The following ADGRG4 variants were observed in gnomAD, a reference collection of about 807,000 sequenced individuals.
ADGRG4 encodes the protein G protein-coupled receptor 112.
A neutral mutation model predicts 126.2 loss-of-function variants in ADGRG4; 122 were observed. The observed-to-expected ratio is 0.97, with a 90% CI of 0.83 to 1.12. ADGRG4 has a LOEUF of 1.12. ADGRG4 is among the 50% of genes most tolerant of loss of function. The pLI is 0.00. For missense variants in ADGRG4, 2,481 were observed against 2,251.8 expected, an observed-to-expected ratio of 1.10 and a Z score of -2.06; for synonymous variants, 943 against 838.7, an observed-to-expected ratio of 1.12 and a Z score of -2.15.
intron 4 of ADGRG4, among the ~76,000 whole-genome samples, chrX:136,321,664 A>T (rs774875395): frequency 5.6e-4 from 63 of 111,729 alleles, no homozygotes; most frequent in Non-Finnish European, 1.1e-3. Context: ...ATATTTACCT[A>T]GTAGACTGGG....
chrX:136,345,895 A>G lies in ADGRG4; in HGVS notation c.2189A>G (p.Lys730Arg), dbSNP rs2075013067. Residue 730 changes from lysine to arginine, a missense_variant, in exon 6 of 26, where the codon AAA becomes AGA. By Grantham distance (26) the Lys-to-Arg change is conservative (BLOSUM62 2). Transcript: ENST00000394143. Reference protein sequence around the residue: ...TTARYTTAVSKLTSPWFANFS... With the variant: ...TTARYTTAVSRLTSPWFANFS... ...GCCAGATATACAACAGCTGTATCCA[A>G]ATTGACATCACCATGGTTTGCTAAT... 2 of 1,209,669 alleles carry G rather than the reference A, an allele frequency of 1.7e-6. No homozygotes were observed. Among genetic ancestry groups the G allele is most frequent in the East Asian group, 5.9e-5 (2 of 33,818 alleles).
intron 16 of ADGRG4, among the ~76,000 whole-genome samples, chrX:136,390,948 C>T (rs985634943): frequency 1.8e-5 from 2 of 110,411 alleles, no homozygotes; most frequent in Admixed American, 9.7e-5. Flanking sequence ...CTAGGGTTAG[C>T]CCTTAGCCTT....
At chrX:136,406,065 A>G (rs1419156529) in intron 23 of ADGRG4, 93 bp downstream of exon 23, 2 of 904,211 alleles carry the variant, frequency 2.2e-6, no homozygotes, top group Admixed American at 3.2e-5. Context: ...GGAAACATTA[A>G]CTAGATGTTA....
At chrX:136,313,900 T>C (rs912602660) in intron 4 of ADGRG4, among the ~76,000 whole-genome samples, 4 of 110,794 alleles carry the variant, frequency 3.6e-5, no homozygotes, top group African/African-American at 1.3e-4. Context: ...GCCCTGTATT[T>C]CCACTGCCAG....
chrX:136,372,033 A>T (rs745473232), intron 14 of ADGRG4, among the ~76,000 whole-genome samples: 35 of 111,715 alleles, frequency 3.1e-4, no homozygotes, highest in African/African-American at 1.1e-3. Context: ...CTTTACTAGA[A>T]TGTTCATTGT....
chrX:136,353,402 G>A lies in ADGRG4; in HGVS notation c.6887+1G>A. On this transcript the variant is annotated splice_donor_variant, in intron 8 of 25. Transcript: ENST00000394143. LOFTEE classifies it high-confidence loss of function. The stretch of plus-strand genomic sequence containing the variant: ...CTCTGGAAACCCAAATTAAAAGCAG[G>A]TATGTGAATGACATTTACTGTGGGT... The A allele has an allele frequency of 2.6e-6, 3 of 1,169,053 alleles. No homozygotes were observed. Among genetic ancestry groups the A allele is most frequent in the Non-Finnish European group, 3.5e-6 (3 of 857,252 alleles).
At position 136,397,947 on chromosome X, in the gene ADGRG4, T is replaced by A. The variant is rs1041529775; in HGVS notation, c.8251T>A (p.Cys2751Ser). Reference protein sequence around the residue: ...QILALITYTGCGISSIFLGVA... With the variant: ...QILALITYTGSGISSIFLGVA... Reference sequence around the variant, plus strand: ...ATTAGCGCTTATAACATACACCGGATGTGGAATCTCCTCCATTTTTCTGGG... The same window carrying A: ...ATTAGCGCTTATAACATACACCGGAAGTGGAATCTCCTCCATTTTTCTGGG... Residue 2751 changes from cysteine to serine, a missense_variant, in exon 20 of 26, where the codon TGT becomes AGT. Physicochemically the swap from Cys to Ser is moderately radical, Grantham distance 112 (BLOSUM62 -1). Transcript: ENST00000394143. 4.2e-6 allele frequency: 5 copies of A among 1,198,603 alleles called. No individual in the cohort carries two copies. In the Admixed American group the frequency reaches 1.1e-4, roughly 26 times the overall value.
intron 3 of ADGRG4, among the ~76,000 whole-genome samples, chrX:136,305,427 C>T (rs1444850926): frequency 8.9e-6 from 1 of 111,782 alleles, no homozygotes; most frequent in Non-Finnish European, 1.9e-5. Flanking sequence ...GGGGCCTCAC[C>T]TGTAAAGTTC....
rs368613251 is a variant in ADGRG4, at chrX:136,353,400, A to G, written c.6886A>G (p.Arg2296Gly). The change falls in exon 8 of 26, where the codon AGG (arginine) becomes GGG (glycine). Residue 2296 changes from arginine (R) to glycine (G), a missense_variant and splice_region_variant. Transcript: ENST00000394143. Reference sequence around the variant, plus strand: ...TACTCTGGAAACCCAAATTAAAAGCAGGTATGTGAATGACATTTACTGTGG... The same window carrying G: ...TACTCTGGAAACCCAAATTAAAAGCGGGTATGTGAATGACATTTACTGTGG... Reference protein sequence around the residue: ...LATLETQIKSRDISEEEMVMD... With the variant: ...LATLETQIKSGDISEEEMVMD... The G allele has an allele frequency of 4.3e-6, 5 of 1,175,890 alleles. No individual in the cohort carries two copies. In the South Asian group the frequency reaches 5.4e-5, roughly 13 times the overall value.
In ADGRG4 at chrX:136,347,561, T is replaced by G. The variant is rs1412916675; in HGVS notation, c.3855T>G (p.Ile1285Met). Reference sequence around the variant, plus strand: ...TGTCCCCATCAAAGAATTCTTTTATTTCATACTCCCGGGGTACTCCATCTT... The same window carrying G: ...TGTCCCCATCAAAGAATTCTTTTATGTCATACTCCCGGGGTACTCCATCTT... ...TEMSPSKNSF[I>M]SYSRGTPSLE... Residue 1285 changes from isoleucine to methionine, a missense_variant, in exon 6 of 26, where the codon ATT (isoleucine) becomes ATG (methionine). Coordinates refer to ENST00000394143, the MANE Select transcript of ADGRG4 (RefSeq NM_153834.4). 18 of 1,206,660 alleles carry G rather than the reference T, an allele frequency of 1.5e-5. No homozygotes were observed. Among genetic ancestry groups the G allele is most frequent in the Non-Finnish European group, 2.0e-5 (18 of 892,703 alleles).
rs761713453 is a variant in ADGRG4 at position 136,348,115 on chromosome X, C to A, written c.4409C>A (p.Thr1470Lys). ...TTCCCTGAGTCCTTGTCTCTTTCCA[C>A]AGCTGGACTATATAATGACGGTTTT... ...QTFPESLSLS[T>K]AGLYNDGFTV... The change falls in exon 6 of 26, where the codon ACA (threonine) becomes AAA (lysine). Residue 1470 changes from threonine (T) to lysine (K), a missense_variant. Transcript: ENST00000394143. The A allele has an allele frequency of 2.5e-6, 3 of 1,208,827 alleles. No homozygotes were observed. The Admixed American group carries it at 6.6e-5, about 26-fold the overall frequency.
rs968482527 is a variant in ADGRG4, at chrX:136,350,251, T to A, written c.6545T>A (p.Met2182Lys). The change falls in exon 6 of 26, where the codon ATG becomes AAG. Residue 2182 changes from methionine (M) to lysine (K), a missense_variant. Met to Lys is a moderately conservative substitution (Grantham distance 95, BLOSUM62 -1). Transcript: ENST00000394143. ...KPTLDSLLNI[M>K]TTTSTVPGAS... ...ACACTGGACTCCCTTCTAAATATAA[T>A]GACTACTACATCCACTGTTCCTGGA... 3.3e-6 allele frequency: 4 copies of A among 1,207,318 alleles called. No homozygotes were observed. The African/African-American group carries it at 5.3e-5, about 16-fold the overall frequency.
chrX:136,317,466 C>T (rs1171946386), intron 4 of ADGRG4, among the ~76,000 whole-genome samples: 1 of 90,774 alleles, frequency 1.1e-5, no homozygotes, highest in African/African-American at 4.2e-5. Flanking sequence ...CACCGCTGCA[C>T]TCCAGCCTGG....
chrX:136,309,263 A>C (rs1044419767), intron 4 of ADGRG4, among the ~76,000 whole-genome samples: 23 of 112,489 alleles, frequency 2.0e-4, no homozygotes, highest in Non-Finnish European at 2.8e-4. Context: ...GAATCATAGA[A>C]TACAGATGGG....
chrX:136,413,177 T>A (rs774272714), intron 24 of ADGRG4, among the ~76,000 whole-genome samples: 24 of 108,422 alleles, frequency 2.2e-4, no homozygotes, highest in African/African-American at 7.4e-4. Context: ...CATGCTGGTG[T>A]GCTGCACCCA....
intron 4 of ADGRG4, among the ~76,000 whole-genome samples, chrX:136,319,707 C>G (rs2074827073): frequency 9.6e-6 from 1 of 103,642 alleles, no homozygotes; most frequent in South Asian, 4.6e-4. Context: ...TTCTATCTAT[C>G]TATCTATCTA....
chrX:136,307,849 G>A (rs1350115575), intron 3 of ADGRG4, among the ~76,000 whole-genome samples: 1 of 112,405 alleles, frequency 8.9e-6, no homozygotes, highest in Non-Finnish European at 1.9e-5. Flanking sequence ...TTGGAGAAAA[G>A]AGGGTTTTAA....
At chrX:136,398,375 G>A (rs1367789792) in intron 20 of ADGRG4, among the ~76,000 whole-genome samples, 1 of 112,026 alleles carries the variant, frequency 8.9e-6, no homozygotes, top group Non-Finnish European at 1.9e-5. Context: ...TAAAAGACTT[G>A]TATGCAGAAT....
intron 15 of ADGRG4, among the ~76,000 whole-genome samples, chrX:136,384,037 A>G (rs2075280570): frequency 9.1e-6 from 1 of 109,534 alleles, no homozygotes; most frequent in Non-Finnish European, 1.9e-5. Flanking sequence ...GACTAAAGGC[A>G]TGTGCCACCA....
Sources: allele counts gnomAD v4.1 joint callset (sites outside exome capture counted in the v4.1 genomes callset), GRCh38; gene constraint gnomAD v4.1.1; transcripts MANE v1.5; gene names NCBI Gene and HGNC (gene_info 2026-07-23, HGNC 2026-07-21).